C11orf65: variants seen among roughly 807,000 people sequenced by gnomAD.
C11orf65 encodes chromosome 11 open reading frame 65, also known as protein MFI.
A neutral mutation model predicts 35.3 loss-of-function variants in C11orf65; 38 were observed. That is an observed-to-expected ratio of 1.08 (90% CI 0.83 to 1.41). C11orf65 has a LOEUF of 1.41. C11orf65 is among the 40% of genes most tolerant of loss of function. The pLI is 0.00. For synonymous variants in C11orf65, 105 were observed against 114.4 expected, an observed-to-expected ratio of 0.92 and a Z score of 0.53; for missense variants, 370 against 367.1, an observed-to-expected ratio of 1.01 and a Z score of -0.06.
In C11orf65 at chr11:108,445,709, G is replaced by C. The variant is rs560002911; in HGVS notation, c.82-13871C>G. On this transcript the variant is annotated intron_variant, in intron 2 of 8. Transcript: ENST00000393084. ...GAAAAACTGGAAACTCTAAAAAGCA[G>C]AGCACCTCTCCTCCTCCAAAGGAAC... Among the ~76,000 whole-genome samples the C allele has an allele frequency of 3.5e-3, 527 of 152,244 alleles. 3 individuals are homozygous for C. The highest frequency in any genetic ancestry group is 0.012 in the African/African-American group (502 of 41,514).
chr11:108,328,986 T>C, downstream of C11orf65: 1 of 1,573,534 alleles, frequency 6.4e-7, no homozygotes, highest in Non-Finnish European at 8.7e-7. Flanking sequence ...TTAGTATTTG[T>C]AAATATAATT....
In C11orf65 at chr11:108,353,769, T is replaced by C. The variant is rs1591306442; in HGVS notation, c.227-18477A>G. 1 of 1,608,218 alleles carries C rather than the reference T, an allele frequency of 6.2e-7. No homozygotes were observed. The highest frequency in any genetic ancestry group is 8.5e-7 in the Non-Finnish European group (1 of 1,174,660). On this transcript the variant is annotated intron_variant, in intron 2 of 3. Transcript: ENST00000524755. ...TTCACTGTATTCTTTACTTTAGGTG[T>C]TGCTTTTGAACAGGGCAAAATCCTT...
At chr11:108,359,937 A>T (rs1302157421) in intron 2 of C11orf65, among the ~76,000 whole-genome samples, 2 of 152,146 alleles carry the variant, frequency 1.3e-5, no homozygotes, top group Admixed American at 6.5e-5. Context: ...GGCAAGAAAT[A>T]ACTAAAATCA....
intron 6 of C11orf65, among the ~76,000 whole-genome samples, chr11:108,398,667 C>T (rs558219695): frequency 1.3e-5 from 2 of 152,152 alleles, no homozygotes; most frequent in Non-Finnish European, 2.9e-5. Context: ...GCAAGTCATG[C>T]CACCATTCTG....
chr11:108,363,564 T>A (rs1168820439), intron 2 of C11orf65, among the ~76,000 whole-genome samples: 1 of 152,186 alleles, frequency 6.6e-6, no homozygotes, highest in Non-Finnish European at 1.5e-5. Flanking sequence ...AGGATAGTAT[T>A]GGCATCTACT....
At chr11:108,405,186 C>T (rs2092517691) in intron 6 of C11orf65, among the ~76,000 whole-genome samples, 1 of 152,130 alleles carries the variant, frequency 6.6e-6, no homozygotes, top group South Asian at 2.1e-4. Context: ...GTCTCCCTAG[C>T]TGATTGGGGC....
At chr11:108,374,892 G>C (rs372559441) in intron 2 of C11orf65, among the ~76,000 whole-genome samples, 2 of 152,078 alleles carry the variant, frequency 1.3e-5, no homozygotes, top group South Asian at 4.1e-4. Context: ...TATCAGCAAT[G>C]GAAAATGAAA....
chr11:108,467,185 G>A (rs2093550938), intron 1 of C11orf65, among the ~76,000 whole-genome samples: 1 of 152,148 alleles, frequency 6.6e-6, no homozygotes, highest in South Asian at 2.1e-4. Flanking sequence ...TGAAGGCGCA[G>A]TATGAGCAGT....
rs1000379588 is a variant in C11orf65, at chr11:108,448,053, T to G, written c.81+13426A>C. ...ATCTAGAAGAAATGGATAAATTCCT[T>G]GACACATACACCCTCCCAAGACTAA... is the stretch of plus-strand genomic sequence containing the variant. On this transcript the variant is annotated intron_variant, in intron 2 of 8. Coordinates refer to ENST00000393084, the MANE Select transcript of C11orf65 (RefSeq NM_152587.5). Among the ~76,000 whole-genome samples the G allele has an allele frequency of 1.1e-4, 16 of 152,182 alleles. No homozygotes were observed. In the South Asian group the frequency reaches 2.3e-3, roughly 22 times the overall value.
At chr11:108,351,995 A>C (rs2089263895) in intron 2 of C11orf65, among the ~76,000 whole-genome samples, 1 of 152,222 alleles carries the variant, frequency 6.6e-6, no homozygotes, top group East Asian at 1.9e-4. Flanking sequence ...CCAATTGGGG[A>C]ATCTAGTCTT....
chr11:108,365,858 G>A (rs1346887400), intron 2 of C11orf65: 3 of 247,110 alleles, frequency 1.2e-5, no homozygotes, highest in Non-Finnish European at 2.4e-5. Context: ...GTGAAACCCT[G>A]TCTCTACTAA....
chr11:108,447,599 A>G (rs2093282395), intron 2 of C11orf65, among the ~76,000 whole-genome samples: 1 of 152,170 alleles, frequency 6.6e-6, no homozygotes, highest in Non-Finnish European at 1.5e-5. Flanking sequence ...GAACAAAGGC[A>G]CAACATACCA....
chr11:108,321,153 C>A, intron 6 of C11orf65: 1 of 1,046,700 alleles, frequency 9.6e-7, no homozygotes, highest in Non-Finnish European at 1.4e-6. Context: ...TTTGTTTCCA[C>A]TGCTATTTTG....
chr11:108,347,428 T>G, intron 2 of C11orf65: 1 of 1,320,904 alleles, frequency 7.6e-7, no homozygotes, highest in Non-Finnish European at 1.1e-6. Context: ...TGGAATGTTG[T>G]TTGCCTACCA....
Position 108,318,170 on chromosome 11 carries a change from T to C in C11orf65, c.641-9099A>G, listed in dbSNP as rs1028600275. Among the ~76,000 whole-genome samples, 13 of 152,078 alleles carry C rather than the reference T, an allele frequency of 8.5e-5. No homozygotes were observed. In the East Asian group the frequency reaches 2.5e-3, roughly 30 times the overall value. On this transcript the variant is annotated intron_variant, in intron 6 of 6. Transcript: ENST00000525729. ...TGAGCTCAGGAGTTTGAGACCAGCC[T>C]GGGAAACACGGTGAAACCCTTTCTC...
rs1191189419 is a variant in C11orf65, at chr11:108,309,777, CTG to C, written c.641-708_641-707del. Among the ~76,000 whole-genome samples, 5 of 152,068 alleles carry C rather than the reference CTG, an allele frequency of 3.3e-5. No homozygotes were observed. In the South Asian group the frequency reaches 6.2e-4, roughly 19 times the overall value. ...GAAACAATATTTTTTATTAAATTGA[CTG>C]TTTTAAAGTGTGTGTTGGGGGGTGC... On this transcript the variant is annotated intron_variant, in intron 6 of 6. Coordinates refer to the C11orf65 transcript ENST00000525729.
chr11:108,353,927 T>C, intron 2 of C11orf65: 1 of 1,532,034 alleles, frequency 6.5e-7, no homozygotes, highest in African/African-American at 1.4e-5. Flanking sequence ...GATGTCAAAA[T>C]TACATGGGCT....
At chr11:108,396,958 A>G (rs982015370) in intron 6 of C11orf65, among the ~76,000 whole-genome samples, 1 of 152,064 alleles carries the variant, frequency 6.6e-6, no homozygotes, top group African/African-American at 2.4e-5. Context: ...TTTCAAATAT[A>G]GTGATCAGAA....
chr11:108,436,999 T>G (rs899373133), intron 2 of C11orf65, among the ~76,000 whole-genome samples: 12 of 149,752 alleles, frequency 8.0e-5, no homozygotes, highest in African/African-American at 2.7e-4. Flanking sequence ...CAGACACATC[T>G]ATAGTTCCAG....
Sources: allele counts gnomAD v4.1 joint callset (sites outside exome capture counted in the v4.1 genomes callset), GRCh38; gene constraint gnomAD v4.1.1; transcripts MANE v1.5; gene names NCBI Gene and HGNC (gene_info 2026-07-23, HGNC 2026-07-21).